The following MIGA1 variants were observed in gnomAD, a reference collection of about 807,000 sequenced individuals.
MIGA1 encodes the protein mitoguardin 1.
MIGA1 carries 58 observed loss-of-function variants against 82.0 expected under a neutral mutation model. The observed-to-expected ratio is 0.71, with a 90% CI of 0.57 to 0.88. The LOEUF is 0.88. Ranked by LOEUF, MIGA1 falls within the 40% of genes least tolerant of loss-of-function variation. The pLI is 0.00. For synonymous variants in MIGA1, 249 were observed against 253.6 expected (o/e 0.98, Z 0.17); for missense variants, 751 against 749.1 (o/e 1.00, Z -0.03).
chr1:77,780,799 A>G (rs1179333304), intron 1 of MIGA1, among the ~76,000 whole-genome samples: 3 of 152,174 alleles, frequency 2.0e-5, no homozygotes, highest in East Asian at 1.9e-4. Flanking sequence ...TAGTTTTTCA[A>G]TGAATAATGA....
chr1:77,782,697 A>G (rs1681976425), intron 1 of MIGA1, among the ~76,000 whole-genome samples: 1 of 152,162 alleles, frequency 6.6e-6, no homozygotes, highest in Non-Finnish European at 1.5e-5. Context: ...ATCATATAGC[A>G]TATATGTGGC....
At chr1:77,785,798 G>T (rs1682134291) in intron 2 of MIGA1, among the ~76,000 whole-genome samples, 1 of 152,182 alleles carries the variant, frequency 6.6e-6, no homozygotes, top group African/African-American at 2.4e-5. Context: ...GCTTTTATGG[G>T]CTGGCATTGA....
intron 7 of MIGA1, among the ~76,000 whole-genome samples, chr1:77,841,338 A>T (rs1684619200): frequency 6.6e-6 from 1 of 151,620 alleles, no homozygotes; most frequent in Non-Finnish European, 1.5e-5. Context: ...ACCAAACATA[A>T]AGTAGGAAAA....
Position 77,877,248 on chromosome 1 carries a change from AT to A in MIGA1, c.*2188del, listed in dbSNP as rs1646901221. The A allele has an allele frequency of 1.3e-5, 2 of 152,168 alleles. No homozygotes were observed. The highest frequency in any genetic ancestry group is 1.3e-4 in the Admixed American group (2 of 15,274). 9.4% of individuals were successfully genotyped at this position (152,168 alleles called of 1,614,324 possible). A position where few individuals can be genotyped will look rare whatever the true frequency, so the allele number is the denominator to read the frequency against. On this transcript the variant is annotated 3_prime_UTR_variant, in exon 16 of 16. Transcript: ENST00000370791. ...AAAGCATAATCTTTTAAGATTTGTA[AT>A]TTTCTGTATGTGCCACATTTATGTA...
intron 15 of MIGA1, 79 bp from the exon 16 acceptor site, chr1:77,874,767 T>G: frequency 1.0e-6 from 1 of 963,916 alleles, no homozygotes. Context: ...CCTGATTCAG[T>G]GCTCATTATA....
intron 5 of MIGA1, among the ~76,000 whole-genome samples, chr1:77,807,747 C>G (rs1683158003): frequency 6.6e-6 from 1 of 152,088 alleles, no homozygotes; most frequent in South Asian, 2.1e-4. Context: ...TGGCTCGTGA[C>G]CACATCATTC....
At chr1:77,818,925 C>T (rs758299001) in intron 7 of MIGA1, among the ~76,000 whole-genome samples, 1 of 151,454 alleles carries the variant, frequency 6.6e-6, no homozygotes, top group Non-Finnish European at 1.5e-5. Context: ...TGTAAAAATA[C>T]AAAAATTAGC....
chr1:77,840,727 G>A (rs576288589), intron 7 of MIGA1, among the ~76,000 whole-genome samples: 118 of 152,220 alleles, frequency 7.8e-4, no homozygotes, highest in African/African-American at 2.6e-3. Flanking sequence ...CAGGAGAATC[G>A]CTTGAATCTG....
intron 2 of MIGA1, among the ~76,000 whole-genome samples, chr1:77,792,838 G>T (rs1682483656): frequency 6.7e-6 from 1 of 150,180 alleles, no homozygotes; most frequent in Non-Finnish European, 1.5e-5. Flanking sequence ...GCCCAGGCTG[G>T]AGTGCAGTGG....
rs1646911061 is a variant in MIGA1, at chr1:77,878,424, CAT to C, written c.*3363_*3364del. 1.9e-5 allele frequency: 1 copy of C among 52,304 alleles called. No homozygotes were observed. The highest frequency in any genetic ancestry group is 6.5e-4 in the South Asian group (1 of 1,536). The allele number at this position is 52,304 out of a possible 1,614,324, so 3.2% of individuals were successfully genotyped here. A position where few individuals can be genotyped will look rare whatever the true frequency, so the allele number is the denominator to read the frequency against. ...AAAAAAAAAAAAAAAAAAAAAAAGA[CAT>C]ATGTAACGGTTTCCATTTGCCTTAA... On this transcript the variant is annotated 3_prime_UTR_variant, in exon 16 of 16. Coordinates refer to ENST00000370791, the MANE Select transcript of MIGA1 (RefSeq NM_198549.4).
chr1:77,804,226 C>T (rs1352155003), intron 4 of MIGA1, among the ~76,000 whole-genome samples: 2 of 152,112 alleles, frequency 1.3e-5, no homozygotes, highest in African/African-American at 4.8e-5. Context: ...AGGTTCTTCA[C>T]CTCCTTCTTT....
chr1:77,832,854 G>A (rs951069842), intron 7 of MIGA1, among the ~76,000 whole-genome samples: 1 of 152,172 alleles, frequency 6.6e-6, no homozygotes, highest in African/African-American at 2.4e-5. Flanking sequence ...GGCTGGCACA[G>A]TTTAAATATT....
intron 7 of MIGA1, among the ~76,000 whole-genome samples, chr1:77,833,950 A>C (rs1384390150): frequency 6.6e-6 from 1 of 152,210 alleles, no homozygotes; most frequent in Admixed American, 6.5e-5. Flanking sequence ...CCCAGTTAGG[A>C]ATCACAGTTG....
chr1:77,844,748 C>T (rs773558314), intron 8 of MIGA1, among the ~76,000 whole-genome samples: 2 of 152,096 alleles, frequency 1.3e-5, no homozygotes, highest in African/African-American at 2.4e-5. Context: ...GAGGCCAAGG[C>T]GGGCCTCCTG....
intron 1 of MIGA1, 61 bp downstream of exon 1, chr1:77,779,797 G>C: frequency 6.7e-7 from 1 of 1,503,320 alleles, no homozygotes; most frequent in Non-Finnish European, 8.9e-7. Flanking sequence ...AGAGTTGAGC[G>C]GCCACGCAGT....
At position 77,803,268 on chromosome 1, in the gene MIGA1, A is replaced by T; in HGVS notation, c.374-2A>T. ...TTTAATATTAGTATGTTTATTTGAT[A>T]GGTTCAAGTTGTTCCAGTAGCAGAC... On this transcript the variant is annotated splice_acceptor_variant, in intron 3 of 15. Transcript: ENST00000370791. LOFTEE classifies it high-confidence loss of function. 1 of 1,460,358 alleles carries T rather than the reference A, an allele frequency of 6.8e-7. No individual in the cohort carries two copies. Among genetic ancestry groups the T allele is most frequent in the Non-Finnish European group, 9.1e-7 (1 of 1,101,430 alleles). 90.5% of individuals were successfully genotyped at this position (1,460,358 alleles called of 1,614,324 possible).
In MIGA1 at chr1:77,779,753, G is replaced by A. The variant is rs534103763; in HGVS notation, c.81+17G>A. 1 of 1,548,416 alleles carries A rather than the reference G, an allele frequency of 6.5e-7. No individual in the cohort carries two copies. Among genetic ancestry groups the A allele is most frequent in the Non-Finnish European group, 8.7e-7 (1 of 1,145,812 alleles). ...GAGCTCCAGGTACAGGGCCAGGGGC[G>A]GGGTGGGGTGGAGAGGCGGGCGGGA... is the stretch of plus-strand genomic sequence containing the variant. On this transcript the variant is annotated intron_variant, in intron 1 of 15. Transcript: ENST00000370791.
At chr1:77,816,451 A>T (rs1463006627) in intron 7 of MIGA1, among the ~76,000 whole-genome samples, 1 of 152,232 alleles carries the variant, frequency 6.6e-6, no homozygotes, top group Non-Finnish European at 1.5e-5. Context: ...CCACATTAGT[A>T]CTGAAAGCAG....
At chr1:77,871,225 G>A (rs192633886) in intron 14 of MIGA1, among the ~76,000 whole-genome samples, 259 of 152,088 alleles carry the variant, frequency 1.7e-3, no homozygotes, top group African/African-American at 5.9e-3. Context: ...GTTTAGGCCC[G>A]GCACAGTGGC....
Sources: gnomAD v4.1 joint callset for allele counts (sites outside exome capture counted in the v4.1 genomes callset) on GRCh38, gnomAD v4.1.1 for gene constraint, MANE v1.5 for transcripts, NCBI Gene and HGNC (gene_info 2026-07-23, HGNC 2026-07-21) for gene names.